NUCB2: variants seen among roughly 807,000 people sequenced by gnomAD.
NUCB2 encodes the protein nucleobindin-2.
In NUCB2, 48 loss-of-function variants were observed where a neutral mutation model predicts 57.9. That is an observed-to-expected ratio of 0.83 (90% CI 0.66 to 1.05). The LOEUF (loss-of-function observed/expected upper bound fraction) is 1.05. NUCB2 is among the 50% of genes least tolerant of loss of function. The probability of loss-of-function intolerance (pLI) is 0.00; values close to 1 mark genes in which losing one functional copy is unlikely to be tolerated. For missense variants in NUCB2, 442 were observed against 476.2 expected (o/e 0.93, Z 0.67); for synonymous variants, 139 against 152.1 (o/e 0.91, Z 0.64).
At chr11:17,343,786 A>G (rs1952487622) in intron 2 of NUCB2, among the ~76,000 whole-genome samples, 1 of 152,146 alleles carries the variant, frequency 6.6e-6, no homozygotes, top group East Asian at 1.9e-4. Context: ...AACTTTGTGT[A>G]GTGATTCTTT....
chr11:17,338,353 T>C (rs141175996), intron 2 of NUCB2, among the ~76,000 whole-genome samples: 4 of 152,330 alleles, frequency 2.6e-5, no homozygotes, highest in East Asian at 3.9e-4. Context: ...GAATGCCATG[T>C]AGCAGTTTGA....
chr11:17,321,121 G>A (rs546324847), intron 11 of NUCB2, among the ~76,000 whole-genome samples: 1 of 151,610 alleles, frequency 6.6e-6, no homozygotes, highest in South Asian at 2.1e-4. Context: ...TACTCTTTTA[G>A]TTATTTTCAA....
intron 11 of NUCB2, among the ~76,000 whole-genome samples, chr11:17,323,096 A>G (rs564297660): frequency 1.3e-5 from 2 of 152,146 alleles, no homozygotes; most frequent in South Asian, 4.1e-4. Flanking sequence ...TTATTGATCT[A>G]GCTGGGACTT....
intron 4 of NUCB2, among the ~76,000 whole-genome samples, chr11:17,301,318 G>T (rs1435654614): frequency 2.6e-5 from 3 of 115,388 alleles, no homozygotes; most frequent in Admixed American, 1.3e-4. Flanking sequence ...CGCTCTTGTC[G>T]TCCAGGCTGG....
chr11:17,310,248 T>A (rs79352116), intron 6 of NUCB2, among the ~76,000 whole-genome samples: 6 of 149,690 alleles, frequency 4.0e-5, no homozygotes, highest in Non-Finnish European at 7.5e-5. Flanking sequence ...TTTTTTTTTT[T>A]AAATCAACTT....
At chr11:17,298,443 C>T (rs1038527236) in intron 4 of NUCB2, among the ~76,000 whole-genome samples, 2 of 151,724 alleles carry the variant, frequency 1.3e-5, no homozygotes, top group African/African-American at 2.4e-5. Context: ...TGGTGTGTGC[C>T]TGTAGTCCCA....
downstream of NUCB2, among the ~76,000 whole-genome samples, chr11:17,335,507 TC>T (rs1405386195): frequency 6.6e-6 from 1 of 152,164 alleles, no homozygotes; most frequent in Non-Finnish European, 1.5e-5. Context: ...GAATATTATT[TC>T]TTTTTTTTTT....
chr11:17,326,022 C>G (rs1303076964), intron 11 of NUCB2, among the ~76,000 whole-genome samples: 1 of 150,690 alleles, frequency 6.6e-6, no homozygotes, highest in African/African-American at 2.4e-5. Flanking sequence ...TTTTTCGAGA[C>G]AGTGTTTCAC....
intron 4 of NUCB2, among the ~76,000 whole-genome samples, chr11:17,298,924 C>T (rs1422092126): frequency 6.6e-6 from 1 of 152,176 alleles, no homozygotes; most frequent in East Asian, 1.9e-4. Context: ...GTCTCAAACT[C>T]CTGACCTCAA....
chr11:17,312,113 T>C lies in NUCB2; in HGVS notation c.905T>C (p.Met302Thr). Residue 302 changes from methionine (M) to threonine (T), a missense_variant, in exon 10 of 14, where the codon ATG becomes ACG. Coordinates refer to ENST00000529010, the MANE Select transcript of NUCB2 (RefSeq NM_005013.4). ...EERLRMREHV[M>T]NEVDTNKDRL... ...AGGCTTAGAATGAGGGAACATGTAA[T>C]GAATGAGGTATGTTTTAAAAGTTTA... is the stretch of plus-strand genomic sequence containing the variant. 1 of 1,418,762 alleles carries C rather than the reference T, an allele frequency of 7.0e-7. No homozygotes were observed. Among genetic ancestry groups the C allele is most frequent in the Non-Finnish European group, 9.8e-7 (1 of 1,020,524 alleles). 87.9% of individuals were successfully genotyped at this position (1,418,762 alleles called of 1,614,324 possible). A position where few individuals can be genotyped will look rare whatever the true frequency, so the allele number is the denominator to read the frequency against.
intron 11 of NUCB2, among the ~76,000 whole-genome samples, chr11:17,326,032 C>G (rs1950621430): frequency 6.6e-6 from 1 of 151,276 alleles, no homozygotes; most frequent in Non-Finnish European, 1.5e-5. Flanking sequence ...CAGTGTTTCA[C>G]TCTTGTTGCT....
intron 1 of NUCB2, among the ~76,000 whole-genome samples, chr11:17,282,512 C>T (rs1372452320): frequency 2.0e-5 from 3 of 151,984 alleles, no homozygotes; most frequent in South Asian, 2.1e-4. Context: ...CTCTCCACCT[C>T]GGCCTCCCAA....
chr11:17,348,784 CT>C (rs34096604), intron 2 of NUCB2, among the ~76,000 whole-genome samples: 2,656 of 144,452 alleles, frequency 0.018, 49 homozygotes, highest in Admixed American at 0.064. Flanking sequence ...CTTTCCTTTC[CT>C]TTTTTTTTTT....
At chr11:17,292,241 C>T (rs1380840183) in intron 2 of NUCB2, among the ~76,000 whole-genome samples, 1 of 152,130 alleles carries the variant, frequency 6.6e-6, no homozygotes, top group Non-Finnish European at 1.5e-5. Flanking sequence ...AGTGGTGCAG[C>T]TGTAACTAGA....
chr11:17,337,307 C>T (rs1406767443), intron 1 of NUCB2: 2 of 152,122 alleles, frequency 1.3e-5, no homozygotes, highest in Admixed American at 1.3e-4. Context: ...TTGACAATCC[C>T]GGTTCTGGTT....
intron 11 of NUCB2, among the ~76,000 whole-genome samples, chr11:17,317,120 A>T (rs778379787): frequency 1.3e-5 from 2 of 152,210 alleles, no homozygotes; most frequent in Non-Finnish European, 2.9e-5. Context: ...TAAAATTTTG[A>T]CATAATTTCA....
intron 11 of NUCB2, among the ~76,000 whole-genome samples, chr11:17,325,157 T>C (rs2139327303): frequency 6.6e-6 from 1 of 152,344 alleles, no homozygotes; most frequent in South Asian, 2.1e-4. Context: ...ATGTGTACTC[T>C]ATAGCTGTTG....
At chr11:17,288,046 C>T (rs529826279) in intron 2 of NUCB2, among the ~76,000 whole-genome samples, 6 of 152,176 alleles carry the variant, frequency 3.9e-5, no homozygotes, top group South Asian at 4.2e-4. Flanking sequence ...TTCCTCTCCC[C>T]GGTAGAGAGA....
downstream of NUCB2, among the ~76,000 whole-genome samples, chr11:17,335,011 C>A (rs757296653): frequency 6.6e-6 from 1 of 151,896 alleles, no homozygotes; most frequent in Non-Finnish European, 1.5e-5. Context: ...TCCAAACATA[C>A]TTAAATAATG....
Sources: gnomAD v4.1 joint callset for allele counts (sites outside exome capture counted in the v4.1 genomes callset) on GRCh38, gnomAD v4.1.1 for gene constraint, MANE v1.5 for transcripts, NCBI Gene and HGNC (gene_info 2026-07-23, HGNC 2026-07-21) for gene names.